PMP22: variants seen among roughly 807,000 people sequenced by gnomAD.
PMP22 encodes the protein Charcot-Marie-Tooth neuropathy 1A (greatly reduced nerve conduction velocity, hereditary motor sensory neuropathy Ia).
In PMP22, 2 loss-of-function variants were observed where a neutral mutation model predicts 18.9. The ratio of observed to expected loss-of-function variants is 0.11; its 90% CI spans 0.04 to 0.33. The LOEUF (loss-of-function observed/expected upper bound fraction) is 0.33, where lower values mean the gene tolerates loss of function less well. PMP22 is among the 10% of genes least tolerant of loss of function. The probability of loss-of-function intolerance (pLI) is 1.00; values close to 1 mark genes in which losing one functional copy is unlikely to be tolerated. For synonymous variants in PMP22, 95 were observed against 89.2 expected (o/e 1.07, Z -0.37); for missense variants, 169 against 202.2 (o/e 0.84, Z 1.00).
intron 3 of PMP22, among the ~76,000 whole-genome samples, chr17:15,246,019 CA>C (rs58149809): frequency 9.1e-4 from 117 of 129,020 alleles, no homozygotes; most frequent in South Asian, 9.9e-4. Flanking sequence ...AGACTCGTCT[CA>C]AAAAAAAAAA....
Position 15,265,224 on chromosome 17 carries a change from A to T in PMP22, c.-105T>A, listed in dbSNP as rs1459351231. 6.6e-6 allele frequency: 1 copy of T among 152,176 alleles called. No homozygotes were observed. The highest frequency in any genetic ancestry group is 2.4e-5 in the African/African-American group (1 of 41,434). The allele number at this position is 152,176 out of a possible 1,614,324, so 9.4% of individuals were successfully genotyped here. ...GCCAAATGCAAGGGATGTTAAGGCA[A>T]GACCCTCCCCACAGGGCAGTCAGAG... On this transcript the variant is annotated 5_prime_UTR_variant, in exon 1 of 5. It adds an upstream start codon to the 5' untranslated region. Coordinates refer to ENST00000312280, the MANE Select transcript of PMP22 (RefSeq NM_000304.4).
intron 3 of PMP22, among the ~76,000 whole-genome samples, chr17:15,255,951 C>T (rs1340010467): frequency 6.6e-6 from 1 of 152,164 alleles, no homozygotes; most frequent in African/African-American, 2.4e-5. Flanking sequence ...ACCATCAAGG[C>T]AAGGCCCATG....
rs759343506 is a variant in PMP22, at chr17:15,239,580, G to A, written c.210C>T (p.Ile70=). Residue 70 remains isoleucine, a synonymous_variant, in exon 4 of 5, where the codon ATC becomes ATT. Coordinates refer to ENST00000312280, the MANE Select transcript of PMP22 (RefSeq NM_000304.4). Reference sequence around the variant, plus strand: ...ACAGAATGCTGAAGATGATCGACAGGATCATGGTGGCCTGGACAGACTGCA... The same window carrying A: ...ACAGAATGCTGAAGATGATCGACAGAATCATGGTGGCCTGGACAGACTGCA... ...EWLQSVQATM[I]LSIIFSILSL... The A allele has an allele frequency of 1.9e-6, 3 of 1,613,972 alleles. No homozygotes were observed. The South Asian group carries it at 3.3e-5, about 18-fold the overall frequency.
chr17:15,258,637 G>A lies in PMP22; in HGVS notation c.178+457C>T. The A allele has an allele frequency of 4.3e-6, 1 of 234,456 alleles. No individual in the cohort carries two copies. 14.5% of individuals were successfully genotyped at this position (234,456 alleles called of 1,614,324 possible). A position where few individuals can be genotyped will look rare whatever the true frequency, so the allele number is the denominator to read the frequency against. On this transcript the variant is annotated intron_variant, in intron 3 of 4. Transcript: ENST00000312280. The surrounding 1 kb of genome is among the most constrained non-coding windows in gnomAD (Gnocchi z 4.1). ...AAGACCTGGAAAGGCAGCCAGTCTT[G>A]TGTCCATGTAACTGACGGTGCAGTG...
At chr17:15,247,129 G>A (rs1907898402) in intron 3 of PMP22, among the ~76,000 whole-genome samples, 1 of 148,446 alleles carries the variant, frequency 6.7e-6, no homozygotes, top group South Asian at 2.1e-4. Flanking sequence ...CAGCACTTTG[G>A]GAGGCCAAGG....
intron 3 of PMP22, among the ~76,000 whole-genome samples, chr17:15,255,245 T>A (rs2150701763): frequency 6.6e-6 from 1 of 152,084 alleles, no homozygotes; most frequent in East Asian, 1.9e-4. Context: ...TACAGAGAGG[T>A]ATTTGCTGCC....
intron 3 of PMP22, among the ~76,000 whole-genome samples, chr17:15,245,973 A>G (rs1907771540): frequency 1.3e-5 from 2 of 151,208 alleles, no homozygotes; most frequent in Admixed American, 6.6e-5. Context: ...AGATCGCGCC[A>G]CTGCGCCACT....
intron 4 of PMP22, among the ~76,000 whole-genome samples, chr17:15,234,941 T>A (rs1223680686): frequency 1.3e-5 from 2 of 152,086 alleles, no homozygotes; most frequent in African/African-American, 4.8e-5. Context: ...CTCAGCCTCC[T>A]GAATAGCTGG....
At position 15,234,520 on chromosome 17, in the gene PMP22, G is replaced by A. The variant is rs186068094; in HGVS notation, c.320-3440C>T. Among the ~76,000 whole-genome samples the A allele has an allele frequency of 2.8e-3, 427 of 152,198 alleles. 1 individual carries two copies. The highest frequency in any genetic ancestry group is 8.2e-3 in the Admixed American group (125 of 15,294). Reference sequence around the variant, plus strand: ...TTTCTCCCTCCCACTTCATCCTCAGGGCAACAAGGGAGGGCAGGAAGGGGC... The same window carrying A: ...TTTCTCCCTCCCACTTCATCCTCAGAGCAACAAGGGAGGGCAGGAAGGGGC... On this transcript the variant is annotated intron_variant, in intron 4 of 4. Transcript: ENST00000312280.
chr17:15,259,601 C>G (rs1254785881), intron 2 of PMP22, among the ~76,000 whole-genome samples: 1 of 152,036 alleles, frequency 6.6e-6, no homozygotes, highest in Non-Finnish European at 1.5e-5. Context: ...AAATGTTAAA[C>G]TAAGTCACAA....
At chr17:15,248,272 G>A (rs1285942447) in intron 3 of PMP22, among the ~76,000 whole-genome samples, 1 of 152,222 alleles carries the variant, frequency 6.6e-6, no homozygotes, top group East Asian at 1.9e-4. Flanking sequence ...AGGCGATGAA[G>A]GTGACGTGGG....
chr17:15,232,713 TG>T (rs2150667060), intron 4 of PMP22: 1 of 152,328 alleles, frequency 6.6e-6, no homozygotes, highest in South Asian at 2.1e-4. Context: ...GGCTCCCAAA[TG>T]GGCTGTCTAA....
intron 4 of PMP22, among the ~76,000 whole-genome samples, chr17:15,233,444 A>T (rs543361645): frequency 6.6e-5 from 10 of 152,324 alleles, no homozygotes; most frequent in Admixed American, 3.9e-4. Context: ...AACTTCCTGC[A>T]AGTTCTGCCT....
At chr17:15,250,806 G>A (rs1428801530) in intron 3 of PMP22, among the ~76,000 whole-genome samples, 9 of 152,200 alleles carry the variant, frequency 5.9e-5, no homozygotes, top group East Asian at 5.8e-4. Context: ...TGGCACTTAC[G>A]TGAGCTGTTT....
At chr17:15,257,875 AC>A (rs1567717154) in intron 3 of PMP22, among the ~76,000 whole-genome samples, 5 of 152,220 alleles carry the variant, frequency 3.3e-5, no homozygotes. Context: ...CATGTAAATT[AC>A]CAAATTATTA....
At position 15,230,686 on chromosome 17, in the gene PMP22, A is replaced by G; in HGVS notation, c.*231T>C. ...ACACGAGGCTGATGGTCAACATAAAAAGCAAACAATACTATGTACATATAT... is the reference window on the plus strand; with the variant it reads ...ACACGAGGCTGATGGTCAACATAAAGAGCAAACAATACTATGTACATATAT... On this transcript the variant is annotated 3_prime_UTR_variant, in exon 5 of 5. Coordinates refer to ENST00000312280, the MANE Select transcript of PMP22 (RefSeq NM_000304.4). 1.8e-6 allele frequency: 1 copy of G among 557,958 alleles called. No homozygotes were observed. Among genetic ancestry groups the G allele is most frequent in the Non-Finnish European group, 3.2e-6 (1 of 312,166 alleles). 34.6% of individuals were successfully genotyped at this position (557,958 alleles called of 1,614,324 possible). A position where few individuals can be genotyped will look rare whatever the true frequency, so the allele number is the denominator to read the frequency against.
intron 3 of PMP22, among the ~76,000 whole-genome samples, chr17:15,246,030 A>AG (rs1907783469): frequency 6.6e-6 from 1 of 151,808 alleles, no homozygotes. Flanking sequence ...AAAAAAAAAA[A>AG]AAAGAAAAAA....
intron 4 of PMP22, among the ~76,000 whole-genome samples, chr17:15,233,727 T>C (rs1342688232): frequency 6.6e-6 from 1 of 152,232 alleles, no homozygotes; most frequent in Non-Finnish European, 1.5e-5. Flanking sequence ...GGACTGTGTG[T>C]CTAGAAGACA....
intron 3 of PMP22, among the ~76,000 whole-genome samples, chr17:15,242,251 C>CA (rs59075019): frequency 0.12 from 6,309 of 54,436 alleles, 568 homozygotes; most frequent in Non-Finnish European, 0.13. Context: ...GACTCTGTCT[C>CA]AAAAAAAAAA....
Sources: gnomAD v4.1 joint callset for allele counts (sites outside exome capture counted in the v4.1 genomes callset) on GRCh38, gnomAD v4.1.1 for gene constraint, Gnocchi (gnomAD v3.1) non-coding constraint, MANE v1.5 for transcripts, NCBI Gene and HGNC (gene_info 2026-07-23, HGNC 2026-07-21) for gene names.